SGCZ: variants seen among roughly 807,000 people sequenced by gnomAD.
SGCZ encodes sarcoglycan zeta, also known as zeta-sarcoglycan.
In SGCZ, 40 loss-of-function variants were observed where a neutral mutation model predicts 41.3. That is an observed-to-expected ratio of 0.97 (90% confidence interval 0.75 to 1.26). The LOEUF (loss-of-function observed/expected upper bound fraction) is 1.26, where lower values mean the gene tolerates loss of function less well. Ranked by LOEUF, SGCZ falls within the 50% of genes most tolerant of loss-of-function variation. SGCZ has a pLI of 0.00. For synonymous variants in SGCZ, 206 were observed against 137.5 expected (o/e 1.50, Z -3.49); for missense variants, 552 against 369.8 (o/e 1.49, Z -4.04).
intron 1 of SGCZ, among the ~76,000 whole-genome samples, chr8:15,046,422 T>A (rs1804302689): frequency 6.6e-6 from 1 of 152,088 alleles, no homozygotes; most frequent in Admixed American, 6.6e-5. Flanking sequence ...GGATTTTTAC[T>A]TTTCTATGAG....
At chr8:14,706,272 G>T (rs1329273346) in intron 1 of SGCZ, among the ~76,000 whole-genome samples, 1 of 151,932 alleles carries the variant, frequency 6.6e-6, no homozygotes, top group East Asian at 1.9e-4. Context: ...ACAAAATCTA[G>T]TTCACGCTCT....
chr8:14,867,437 G>T (rs565837381), intron 1 of SGCZ, among the ~76,000 whole-genome samples: 1 of 152,180 alleles, frequency 6.6e-6, no homozygotes, highest in East Asian at 1.9e-4. Flanking sequence ...CTTTATAATA[G>T]AATGATTTAT....
chr8:14,790,456 G>C (rs76826572), intron 1 of SGCZ, among the ~76,000 whole-genome samples: 8,861 of 152,100 alleles, frequency 0.058, 509 homozygotes, highest in African/African-American at 0.15. Context: ...TGTATCAAAC[G>C]CATAAAAAAT....
chr8:14,131,130 G>A (rs150055327), intron 5 of SGCZ, among the ~76,000 whole-genome samples: 1 of 152,114 alleles, frequency 6.6e-6, no homozygotes, highest in Non-Finnish European at 1.5e-5. Flanking sequence ...CTCACTCCTT[G>A]TGTGTCCACA....
At chr8:15,061,679 C>G (rs182842603) in intron 1 of SGCZ, among the ~76,000 whole-genome samples, 7,806 of 152,146 alleles carry the variant, frequency 0.051, 267 homozygotes, top group South Asian at 0.13. Flanking sequence ...CCATTTCACC[C>G]CTTCTGCCAT....
At chr8:14,212,992 A>G (rs1175704816) in intron 4 of SGCZ, among the ~76,000 whole-genome samples, 2 of 152,146 alleles carry the variant, frequency 1.3e-5, no homozygotes, top group Non-Finnish European at 2.9e-5. Context: ...AATGAGCATC[A>G]AGACAGATCA....
At chr8:14,168,483 T>A (rs987992125) in intron 4 of SGCZ, among the ~76,000 whole-genome samples, 1 of 151,906 alleles carries the variant, frequency 6.6e-6, no homozygotes, top group Non-Finnish European at 1.5e-5. Flanking sequence ...TTCTCATGAG[T>A]GTGAATAAGT....
At chr8:15,237,497 C>A in intron 1 of SGCZ, 88 bp downstream of exon 1, 1 of 1,489,320 alleles carries the variant, frequency 6.7e-7, no homozygotes. Context: ...ACCAACTACT[C>A]CGCGCCGCTG....
At chr8:14,992,206 C>G (rs191915253) in intron 1 of SGCZ, among the ~76,000 whole-genome samples, 5 of 151,824 alleles carry the variant, frequency 3.3e-5, no homozygotes, top group African/African-American at 9.7e-5. Context: ...TGATATTTAC[C>G]TCTCATCCAA....
chr8:14,317,650 T>C (rs1188859332), intron 3 of SGCZ, among the ~76,000 whole-genome samples: 1 of 151,818 alleles, frequency 6.6e-6, no homozygotes, highest in Non-Finnish European at 1.5e-5. Context: ...TTAAGAAATG[T>C]TTCTGAACAA....
intron 1 of SGCZ, among the ~76,000 whole-genome samples, chr8:14,723,060 C>G (rs1809940631): frequency 1.3e-5 from 2 of 152,068 alleles, no homozygotes; most frequent in East Asian, 3.9e-4. Flanking sequence ...GTCCATTTTG[C>G]TAGGCAGGTT....
At chr8:14,286,031 T>G (rs558729593) in intron 3 of SGCZ, among the ~76,000 whole-genome samples, 1 of 152,218 alleles carries the variant, frequency 6.6e-6, no homozygotes, top group Non-Finnish European at 1.5e-5. Context: ...TAGGAACTAT[T>G]TATTTAGCAT....
At chr8:14,671,491 G>C (rs1808100578) in intron 1 of SGCZ, among the ~76,000 whole-genome samples, 1 of 152,142 alleles carries the variant, frequency 6.6e-6, no homozygotes. Flanking sequence ...TATTTGAAAA[G>C]ATCTAACTGT....
At chr8:15,232,227 T>G (rs1801966286) in intron 1 of SGCZ, among the ~76,000 whole-genome samples, 1 of 152,222 alleles carries the variant, frequency 6.6e-6, no homozygotes, top group African/African-American at 2.4e-5. Context: ...AAATATTACA[T>G]AAATGTCCCA....
intron 1 of SGCZ, among the ~76,000 whole-genome samples, chr8:14,952,906 G>A (rs1800684597): frequency 6.6e-6 from 1 of 152,088 alleles, no homozygotes; most frequent in South Asian, 2.1e-4. Flanking sequence ...GAAAACAGAG[G>A]CACTTGGATT....
chr8:15,158,542 C>T (rs1398374284), intron 1 of SGCZ, among the ~76,000 whole-genome samples: 1 of 152,146 alleles, frequency 6.6e-6, no homozygotes, highest in Non-Finnish European at 1.5e-5. Flanking sequence ...AATATTACTA[C>T]TTTATGCTAA....
chr8:14,795,172 T>A lies in SGCZ; in HGVS notation c.40-240246A>T, dbSNP rs551697470. 3.9e-5 allele frequency among the ~76,000 whole-genome samples: 6 copies of A among 152,286 alleles called. No homozygotes were observed. The East Asian group carries it at 7.7e-4, about 20-fold the overall frequency. The stretch of plus-strand genomic sequence containing the variant: ...GATTGAATGGTTAATTAAAATATTG[T>A]TTAACATAGGATACATGTGAAAGAT... On this transcript the variant is annotated intron_variant, in intron 1 of 7. Transcript: ENST00000382080.
At position 14,259,492 on chromosome 8, in the gene SGCZ, G is replaced by C. The variant is rs891243575; in HGVS notation, c.337-21813C>G. 3.7e-4 allele frequency among the ~76,000 whole-genome samples: 55 copies of C among 149,252 alleles called. 1 individual carries two copies. The highest frequency in any genetic ancestry group is 1.3e-3 in the African/African-American group (53 of 40,914). Reference sequence around the variant, plus strand: ...CATCTTGAATTGATTTTTGTATAAGGTGTAAGGAAGGGATCCAGTTTCAGC... The same window carrying C: ...CATCTTGAATTGATTTTTGTATAAGCTGTAAGGAAGGGATCCAGTTTCAGC... On this transcript the variant is annotated intron_variant, in intron 3 of 7. Transcript: ENST00000382080.
At chr8:15,176,917 C>T (rs1451796546) in intron 1 of SGCZ, among the ~76,000 whole-genome samples, 3 of 152,160 alleles carry the variant, frequency 2.0e-5, no homozygotes, top group African/African-American at 4.8e-5. Context: ...AGGACAATGG[C>T]GTGAACCCAG....
Sources: gnomAD v4.1 joint callset for allele counts (sites outside exome capture counted in the v4.1 genomes callset) on GRCh38, gnomAD v4.1.1 for gene constraint, MANE v1.5 for transcripts, NCBI Gene and HGNC (gene_info 2026-07-23, HGNC 2026-07-21) for gene names.